The following NFIC variants were observed in gnomAD, a reference collection of about 807,000 sequenced individuals.
NFIC encodes nuclear factor I C.
In NFIC, 12 loss-of-function variants were observed where a neutral mutation model predicts 54.4. The ratio of observed to expected loss-of-function variants is 0.22; its 90% CI spans 0.14 to 0.36. NFIC has a LOEUF of 0.36. NFIC is among the 10% of genes least tolerant of loss of function. NFIC has a pLI of 1.00. For missense variants in NFIC, 575 were observed against 718.2 expected (o/e 0.80, Z 2.28); for synonymous variants, 322 against 319.2 (o/e 1.01, Z -0.09).
intron 2 of NFIC, among the ~76,000 whole-genome samples, chr19:3,410,113 T>TC (rs1458517526): frequency 6.6e-6 from 1 of 152,128 alleles, no homozygotes; most frequent in East Asian, 2.0e-4. Flanking sequence ...CGATCTCGGC[T>TC]CACTGCAAGC....
intron 2 of NFIC, among the ~76,000 whole-genome samples, chr19:3,390,925 G>A (rs1002320588): frequency 6.6e-6 from 1 of 152,072 alleles, no homozygotes; most frequent in Admixed American, 6.6e-5. Flanking sequence ...AGATGAGAAG[G>A]TTCTGGAGAG....
rs374182689 is a variant in NFIC, at chr19:3,366,628, G to A, written c.-9G>A. The A allele has an allele frequency of 1.2e-5, 18 of 1,498,646 alleles. No individual in the cohort carries two copies. Among genetic ancestry groups the A allele is most frequent in the Non-Finnish European group, 1.4e-5 (16 of 1,130,222 alleles). The allele number at this position is 1,498,646 out of a possible 1,614,324, so 92.8% of individuals were successfully genotyped here. On this transcript the variant is annotated 5_prime_UTR_variant, in exon 1 of 11. Transcript: ENST00000443272. ...TCCGGCCGGCCCTGCGCCTCCCGCC[G>A]CGCCCGGGATGTATTCGTCCCCGCT...
At chr19:3,404,909 C>T (rs1338551463) in intron 2 of NFIC, among the ~76,000 whole-genome samples, 1 of 152,084 alleles carries the variant, frequency 6.6e-6, no homozygotes, top group Non-Finnish European at 1.5e-5. Flanking sequence ...CAGAGGCGGG[C>T]CCGAGACCTG....
chr19:3,408,920 T>C (rs570926102), intron 2 of NFIC, among the ~76,000 whole-genome samples: 14 of 152,182 alleles, frequency 9.2e-5, no homozygotes, highest in African/African-American at 3.4e-4. Flanking sequence ...TTTGTAGAGA[T>C]GGGGTCTTGC....
intron 6 of NFIC, among the ~76,000 whole-genome samples, chr19:3,437,331 G>T (rs1832402133): frequency 6.6e-6 from 1 of 151,460 alleles, no homozygotes; most frequent in African/African-American, 2.4e-5. Flanking sequence ...TGGCGCCACT[G>T]CACTCCAGCC....
chr19:3,428,962 G>A (rs1365172058), intron 3 of NFIC, among the ~76,000 whole-genome samples: 1 of 151,962 alleles, frequency 6.6e-6, no homozygotes, highest in African/African-American at 2.4e-5. Flanking sequence ...GCGGGGCAGG[G>A]TTGGTTCATT....
At chr19:3,434,733 T>G (rs2082171738) in intron 5 of NFIC, among the ~76,000 whole-genome samples, 1 of 152,196 alleles carries the variant, frequency 6.6e-6, no homozygotes, top group Non-Finnish European at 1.5e-5. Flanking sequence ...GTGCCCCAGT[T>G]TCCCCATCCA....
In NFIC at chr19:3,464,040, C is replaced by T. The variant is rs1230733620; in HGVS notation, c.*1271C>T. On this transcript the variant is annotated 3_prime_UTR_variant, in exon 11 of 11. Transcript: ENST00000443272. ...TCACTTCGCAAGCGTCCTGCCCTGC[C>T]GGGGCGCGGGGGTGGGCTCTGGGGA... The T allele has an allele frequency of 1.1e-5, 11 of 985,122 alleles. No homozygotes were observed. Among genetic ancestry groups the T allele is most frequent in the South Asian group, 4.7e-5 (1 of 21,286 alleles). The allele number at this position is 985,122 out of a possible 1,614,324, so 61.0% of individuals were successfully genotyped here.
At chr19:3,359,934 G>A (rs2080788489) in intron 1 of NFIC, among the ~76,000 whole-genome samples, 1 of 150,194 alleles carries the variant, frequency 6.7e-6, no homozygotes, top group African/African-American at 2.4e-5. Context: ...CCCCTCGCGG[G>A]CGCCGCGAGT....
At position 3,370,144 on chromosome 19, in the gene NFIC, C is replaced by T. The variant is rs998256649; in HGVS notation, c.30+3478C>T. ...ACCAGGAGCAGGGGGCCTGCAGCCC[C>T]TCAGTGCCGGGAGAGGGGCTAAGAG... On this transcript the variant is annotated intron_variant, in intron 1 of 10. Coordinates refer to ENST00000443272, the MANE Select transcript of NFIC (RefSeq NM_001245002.2). This position sits in a 1 kb window ranked among gnomAD's most constrained non-coding sequence, Gnocchi z 5.2. 1.3e-5 allele frequency among the ~76,000 whole-genome samples: 2 copies of T among 152,200 alleles called. No individual in the cohort carries two copies. Among genetic ancestry groups the T allele is most frequent in the Non-Finnish European group, 2.9e-5 (2 of 68,030 alleles).
chr19:3,414,633 TAAAATAAAATAAAATAAG>T (rs2081821772), intron 2 of NFIC, among the ~76,000 whole-genome samples: 1 of 130,606 alleles, frequency 7.7e-6, no homozygotes, highest in African/African-American at 3.1e-5. Context: ...TAAAATAAAA[TAAAATAAAATAAAATAAG>T]GAAAAGACCA....
intron 6 of NFIC, 52 bp downstream of exon 6, chr19:3,435,259 C>T (rs770801224): frequency 4.7e-6 from 7 of 1,487,262 alleles, no homozygotes; most frequent in Non-Finnish European, 6.3e-6. Context: ...GTCACCGTGG[C>T]GGGAACTACG....
intron 3 of NFIC, among the ~76,000 whole-genome samples, chr19:3,427,107 T>C (rs1465774266): frequency 6.6e-6 from 1 of 151,822 alleles, no homozygotes; most frequent in Admixed American, 6.6e-5. Context: ...TTTGTACTTT[T>C]AGTAGAGATG....
rs887984097 is a variant in NFIC, at chr19:3,369,542, C to T, written c.30+2876C>T. Among the ~76,000 whole-genome samples, 4 of 152,208 alleles carry T rather than the reference C, an allele frequency of 2.6e-5. No homozygotes were observed. The highest frequency in any genetic ancestry group is 5.9e-5 in the Non-Finnish European group (4 of 68,028). ...GGTGGGGGGCATCTCGGTGCCAGCC[C>T]GCTCTGTGCCACCCGGGCCCGGCCC... On this transcript the variant is annotated intron_variant, in intron 1 of 10. Transcript: ENST00000443272. The surrounding 1 kb of genome is among the most constrained non-coding windows in gnomAD (Gnocchi z 4.3).
intron 10 of NFIC, among the ~76,000 whole-genome samples, chr19:3,457,545 G>A (rs540253348): frequency 1.3e-4 from 20 of 152,286 alleles, no homozygotes; most frequent in African/African-American, 2.9e-4. Flanking sequence ...CTCTCTCCCC[G>A]GTTTGTGTTG....
At chr19:3,456,442 AGGCCC>A in intron 9 of NFIC, 103 bp from the exon 10 acceptor site, 1 of 1,054,504 alleles carries the variant, frequency 9.5e-7, no homozygotes, top group East Asian at 2.6e-5. Context: ...CTGGGTGCAG[AGGCCC>A]GGCTGTGTGA....
intron 6 of NFIC, among the ~76,000 whole-genome samples, chr19:3,444,927 A>G (rs1442069431): frequency 2.6e-5 from 4 of 152,062 alleles, no homozygotes; most frequent in Non-Finnish European, 5.9e-5. Flanking sequence ...AAGCACACAT[A>G]CATAGACATG....
rs1241354833 is a variant in NFIC at position 3,467,769 on chromosome 19, A to ATGTAT, written c.*5001_*5002insGTATT. The ATGTAT allele has an allele frequency of 8.4e-5, 11 of 130,990 alleles. No individual in the cohort carries two copies. Among genetic ancestry groups the ATGTAT allele is most frequent in the African/African-American group, 3.1e-4 (10 of 32,128 alleles). 8.1% of individuals were successfully genotyped at this position (130,990 alleles called of 1,614,324 possible). ...AGGGCTATACTATACATATATATAT[A>ATGTAT]TATATATATATATATATATAATTTT... On this transcript the variant is annotated 3_prime_UTR_variant, in exon 11 of 11. Transcript: ENST00000443272.
chr19:3,393,491 A>T (rs2081407895), intron 2 of NFIC, among the ~76,000 whole-genome samples: 1 of 151,804 alleles, frequency 6.6e-6, no homozygotes, highest in Admixed American at 6.6e-5. Flanking sequence ...GAATTCTCCT[A>T]GGTGAGTTCC....
Sources: gnomAD v4.1 joint callset for allele counts (sites outside exome capture counted in the v4.1 genomes callset) on GRCh38, gnomAD v4.1.1 for gene constraint, Gnocchi (gnomAD v3.1) non-coding constraint, MANE v1.5 for transcripts, NCBI Gene and HGNC (gene_info 2026-07-23, HGNC 2026-07-21) for gene names.